The following DNAH11 variants were observed in gnomAD, a reference collection of about 807,000 sequenced individuals.
The protein encoded by DNAH11 is axonemal beta dynein heavy chain 11.
In DNAH11, 442 loss-of-function variants were observed where a neutral mutation model predicts 526.0. The observed-to-expected ratio is 0.84, with a 90% confidence interval of 0.78 to 0.91. The LOEUF (loss-of-function observed/expected upper bound fraction) is 0.91, where lower values mean the gene tolerates loss of function less well. Ranked by LOEUF, DNAH11 falls within the 40% of genes least tolerant of loss-of-function variation. DNAH11 has a pLI of 0.00. For missense variants in DNAH11, 6,989 were observed against 5,448.7 expected (o/e 1.28, Z -8.90); for synonymous variants, 2,461 against 1,935.9 (o/e 1.27, Z -7.12).
rs772228900 is a variant in DNAH11 at position 21,750,356 on chromosome 7, C to T, written c.8932C>T (p.Gln2978Ter). ...ATTCTTTATGGCCAGGGTGCGACTACAGCTCAAAGTAAGAAATACTTGCTT... is the reference window on the plus strand; with the variant it reads ...ATTCTTTATGGCCAGGGTGCGACTATAGCTCAAAGTAAGAAATACTTGCTT... ...WKFFMARVRLQLKIILCFSPV... is the reference protein window; with the variant it reads ...WKFFMARVRL The change falls in exon 54 of 82, where the codon CAG (glutamine) becomes TAG (stop). Residue 2978 changes from glutamine (Q) to a stop codon, truncating the protein, a stop_gained. Transcript: ENST00000409508. LOFTEE classifies it high-confidence loss of function. 6.2e-6 allele frequency: 10 copies of T among 1,602,466 alleles called. No individual in the cohort carries two copies. Among genetic ancestry groups the T allele is most frequent in the Non-Finnish European group, 8.5e-6 (10 of 1,174,332 alleles).
intron 12 of DNAH11, 55 bp downstream of exon 12, chr7:21,589,458 A>G (rs1784598368): frequency 7.3e-7 from 1 of 1,362,394 alleles, no homozygotes; most frequent in Non-Finnish European, 1.0e-6. Flanking sequence ...TTATAAGCCT[A>G]TTTCTGATAT....
intron 25 of DNAH11, among the ~76,000 whole-genome samples, chr7:21,635,391 C>T (rs573711854): frequency 3.3e-5 from 5 of 152,216 alleles, no homozygotes; most frequent in South Asian, 4.2e-4. Flanking sequence ...CTCCTGACCT[C>T]GTGATCCGCC....
intron 32 of DNAH11, among the ~76,000 whole-genome samples, chr7:21,684,888 T>C (rs926284339): frequency 6.6e-5 from 10 of 152,256 alleles, no homozygotes; most frequent in Admixed American, 5.9e-4. Context: ...ATTTAATCTT[T>C]GGCATTCATG....
At chr7:21,874,334 T>TATTG (rs1554291356) in intron 74 of DNAH11, among the ~76,000 whole-genome samples, 2 of 151,234 alleles carry the variant, frequency 1.3e-5, no homozygotes, top group Non-Finnish European at 2.9e-5. Flanking sequence ...CATGGTTTTT[T>TATTG]TTTGTTTTTG....
chr7:21,866,381 A>T, intron 70 of DNAH11, 89 bp from the exon 71 acceptor site: 1 of 1,269,814 alleles, frequency 7.9e-7, no homozygotes, highest in Non-Finnish European at 1.1e-6. Flanking sequence ...CAGTTTTTTT[A>T]CATAAGATTA....
In DNAH11 at chr7:21,559,598, T is replaced by C. The variant is rs1783368927; in HGVS notation, c.693-5T>C. On this transcript the variant is annotated splice_polypyrimidine_tract_variant and splice_region_variant and intron_variant, in intron 3 of 81. Coordinates refer to ENST00000409508, the MANE Select transcript of DNAH11 (RefSeq NM_001277115.2). ...TGAATTATTTTATTATCTTAATGTT[T>C]GTAGGCCACCGTCAAACGAAAGGAT... 4.4e-6 allele frequency: 7 copies of C among 1,595,664 alleles called. 1 individual carries two copies. In the South Asian group the frequency reaches 4.6e-5, roughly 11 times the overall value.
At chr7:21,736,069 G>C (rs1202813998) in intron 46 of DNAH11, among the ~76,000 whole-genome samples, 1 of 152,110 alleles carries the variant, frequency 6.6e-6, no homozygotes, top group African/African-American at 2.4e-5. Context: ...TTATGCTTTA[G>C]AACAGCAAGA....
chr7:21,646,060 A>G (rs1183025150), intron 28 of DNAH11, among the ~76,000 whole-genome samples: 3 of 152,218 alleles, frequency 2.0e-5, no homozygotes, highest in Non-Finnish European at 2.9e-5. Flanking sequence ...AGACTCATAT[A>G]TGGAATATAT....
intron 54 of DNAH11, among the ~76,000 whole-genome samples, chr7:21,763,154 C>T (rs1283271191): frequency 6.6e-6 from 1 of 151,734 alleles, no homozygotes; most frequent in Non-Finnish European, 1.5e-5. Context: ...CCAGCCTGGC[C>T]AACATAGTAA....
At chr7:21,634,753 A>T (rs1786775773) in intron 25 of DNAH11, among the ~76,000 whole-genome samples, 1 of 151,790 alleles carries the variant, frequency 6.6e-6, no homozygotes, top group South Asian at 2.1e-4. Context: ...TGCACACCAA[A>T]CTCCCATAAC....
chr7:21,683,961 T>G lies in DNAH11; in HGVS notation c.5621+17T>G, dbSNP rs1379542158. 6 of 1,611,730 alleles carry G rather than the reference T, an allele frequency of 3.7e-6. No individual in the cohort carries two copies. The highest frequency in any genetic ancestry group is 1.1e-5 in the South Asian group (1 of 90,500). On this transcript the variant is annotated intron_variant, in intron 32 of 81. Transcript: ENST00000409508. ...AACTGACAGGTAACAATTCAAAGTT[T>G]CCGTCCAGATAGGAAAAACAACCCA...
chr7:21,674,235 T>C (rs769899461), intron 30 of DNAH11, among the ~76,000 whole-genome samples: 5 of 152,064 alleles, frequency 3.3e-5, no homozygotes, highest in Non-Finnish European at 7.4e-5. Context: ...TTTGTATTTT[T>C]AGTACAGACG....
intron 62 of DNAH11, among the ~76,000 whole-genome samples, chr7:21,807,331 TCTACA>T (rs1324666385): frequency 6.6e-6 from 1 of 152,144 alleles, no homozygotes; most frequent in Non-Finnish European, 1.5e-5. Context: ...AAGCCCCGTC[TCTACA>T]AAAAATACAA....
At chr7:21,717,529 A>G (rs1376139308) in intron 42 of DNAH11, among the ~76,000 whole-genome samples, 1 of 152,120 alleles carries the variant, frequency 6.6e-6, no homozygotes, top group Non-Finnish European at 1.5e-5. Flanking sequence ...ATATTCCATT[A>G]TGTTTGGCTT....
chr7:21,546,942 G>A (rs1313095236), intron 2 of DNAH11, among the ~76,000 whole-genome samples: 1 of 152,148 alleles, frequency 6.6e-6, no homozygotes, highest in African/African-American at 2.4e-5. Context: ...AGAAACAGAA[G>A]GTAAGTAAAG....
Position 21,589,311 on chromosome 7 carries a change from A to C in DNAH11, c.2077A>C (p.Asn693His), listed in dbSNP as rs377237884. The C allele has an allele frequency of 6.2e-7, 1 of 1,611,300 alleles. No individual in the cohort carries two copies. Among genetic ancestry groups the C allele is most frequent in the South Asian group, 1.1e-5 (1 of 90,472 alleles). The change falls in exon 12 of 82, where the codon AAT becomes CAT. Residue 693 changes from asparagine (N) to histidine (H), a missense_variant. Coordinates refer to ENST00000409508, the MANE Select transcript of DNAH11 (RefSeq NM_001277115.2). ...TCGTATCTATAATGAATGGAAAAGT[A>C]ATGTGGATGAAATCTGTGAATTCAA... ...ESRIYNEWKS[N>H]VDEICEFNLN... is the part of the protein sequence containing the mutation.
intron 48 of DNAH11, among the ~76,000 whole-genome samples, chr7:21,741,118 T>C (rs1785867220): frequency 6.6e-6 from 1 of 152,230 alleles, no homozygotes; most frequent in Non-Finnish European, 1.5e-5. Context: ...TGGATATTAA[T>C]CCCTTAGGCA....
At chr7:21,745,977 A>G (rs1175603371) in intron 51 of DNAH11, among the ~76,000 whole-genome samples, 1 of 152,236 alleles carries the variant, frequency 6.6e-6, no homozygotes, top group Non-Finnish European at 1.5e-5. Flanking sequence ...GTTAGGCTGC[A>G]GCATAGAGAA....
rs1215432927 is a variant in DNAH11 at position 21,658,861 on chromosome 7, G to A, written c.5158G>A (p.Glu1720Lys). The A allele has an allele frequency of 6.2e-7, 1 of 1,606,924 alleles. No homozygotes were observed. Among genetic ancestry groups the A allele is most frequent in the Non-Finnish European group, 8.5e-7 (1 of 1,176,756 alleles). Residue 1720 changes from glutamate to lysine, a missense_variant, in exon 30 of 82, where the codon GAA becomes AAA. Transcript: ENST00000409508. ...AGAAACGGTGCGTCATTCTATAACA[G>A]AAGCCATAGTGGCCTACGAGGAAAA... Reference protein sequence around the residue: ...MQETVRHSITEAIVAYEEKPR... With the variant: ...MQETVRHSITKAIVAYEEKPR...
Sources: gnomAD v4.1 joint callset for allele counts (sites outside exome capture counted in the v4.1 genomes callset) on GRCh38, gnomAD v4.1.1 for gene constraint, MANE v1.5 for transcripts, NCBI Gene and HGNC (gene_info 2026-07-23, HGNC 2026-07-21) for gene names.